Variants in SCRN1 observed in about 807,000 individuals in gnomAD.
SCRN1 encodes secernin 1.
A neutral mutation model predicts 43.3 loss-of-function variants in SCRN1; 19 were observed. That is an observed-to-expected ratio of 0.44 (90% confidence interval 0.31 to 0.64). The LOEUF (loss-of-function observed/expected upper bound fraction) is 0.64. Ranked by LOEUF, SCRN1 falls within the 30% of genes least tolerant of loss-of-function variation. The pLI, the probability that SCRN1 is intolerant of heterozygous loss-of-function variation, is 0.09. For synonymous variants in SCRN1, 183 were observed against 188.9 expected, an observed-to-expected ratio of 0.97 and a Z score of 0.26; for missense variants, 447 against 524.1, an observed-to-expected ratio of 0.85 and a Z score of 1.44.
intron 3 of SCRN1, among the ~76,000 whole-genome samples, chr7:29,944,707 T>C (rs1045552591): frequency 9.4e-5 from 14 of 148,764 alleles, no homozygotes; most frequent in African/African-American, 3.5e-4. Flanking sequence ...GAAAAAATCA[T>C]AGGGGTGTTT....
At chr7:29,925,408 C>G (rs1182075368) in intron 7 of SCRN1, among the ~76,000 whole-genome samples, 1 of 152,176 alleles carries the variant, frequency 6.6e-6, no homozygotes, top group African/African-American at 2.4e-5. Context: ...TCCACAGCAC[C>G]AATTTACACA....
chr7:29,925,069 G>A (rs1786896639), intron 7 of SCRN1, among the ~76,000 whole-genome samples: 1 of 151,938 alleles, frequency 6.6e-6, no homozygotes. Context: ...ATCTACTTGG[G>A]GCTTATGGTC....
intron 2 of SCRN1, among the ~76,000 whole-genome samples, chr7:29,957,847 A>C (rs137933643): frequency 6.6e-6 from 1 of 152,320 alleles, no homozygotes; most frequent in East Asian, 1.9e-4. Flanking sequence ...TATGGTCCAG[A>C]GAGGTCCCTG....
At chr7:29,928,301 T>C (rs1416163217) in intron 6 of SCRN1, among the ~76,000 whole-genome samples, 1 of 152,008 alleles carries the variant, frequency 6.6e-6, no homozygotes, top group Non-Finnish European at 1.5e-5. Flanking sequence ...TTTAACAAGA[T>C]CCCTGCGGAT....
chr7:29,934,502 T>C (rs1787257995), intron 6 of SCRN1, among the ~76,000 whole-genome samples: 1 of 152,056 alleles, frequency 6.6e-6, no homozygotes, highest in Non-Finnish European at 1.5e-5. Flanking sequence ...CACTTGAAAA[T>C]AGAACTCCAA....
chr7:29,940,661 G>A (rs765937757), intron 5 of SCRN1, 21 bp downstream of exon 5: 60 of 1,573,908 alleles, frequency 3.8e-5, no homozygotes, highest in Admixed American at 2.0e-4. Context: ...AAGGAGAATC[G>A]TGAGGGAGAG....
intron 1 of SCRN1, among the ~76,000 whole-genome samples, chr7:29,984,204 C>CAAAA (rs55733700): frequency 1.6e-4 from 16 of 98,222 alleles, no homozygotes; most frequent in South Asian, 7.2e-4. Flanking sequence ...AGACAGTCTC[C>CAAAA]AAAAAAAAAA....
At chr7:29,976,355 C>A (rs1788837703) in intron 1 of SCRN1, among the ~76,000 whole-genome samples, 1 of 152,160 alleles carries the variant, frequency 6.6e-6, no homozygotes, top group Non-Finnish European at 1.5e-5. Flanking sequence ...CACGAAAAAA[C>A]TTACATAAGG....
intron 1 of SCRN1, among the ~76,000 whole-genome samples, chr7:29,978,748 T>C (rs1163664631): frequency 6.6e-6 from 1 of 152,224 alleles, no homozygotes; most frequent in Non-Finnish European, 1.5e-5. Flanking sequence ...GGCCCTGCAA[T>C]AAGGCGGAGA....
intron 3 of SCRN1, among the ~76,000 whole-genome samples, chr7:29,945,017 T>C (rs1562808662): frequency 6.6e-6 from 1 of 152,198 alleles, no homozygotes; most frequent in Non-Finnish European, 1.5e-5. Context: ...AGAGAGGACG[T>C]TGTCCTGTCT....
intron 3 of SCRN1, among the ~76,000 whole-genome samples, chr7:29,954,698 T>C (rs537307000): frequency 6.6e-6 from 1 of 152,348 alleles, no homozygotes; most frequent in African/African-American, 2.4e-5. Flanking sequence ...TCATTTGTTT[T>C]TGATGGAGAC....
intron 5 of SCRN1, among the ~76,000 whole-genome samples, chr7:29,938,838 C>A (rs1232839972): frequency 6.6e-6 from 1 of 152,182 alleles, no homozygotes; most frequent in Non-Finnish European, 1.5e-5. Flanking sequence ...CCCCTGATTT[C>A]CCACTCCACA....
intron 2 of SCRN1, among the ~76,000 whole-genome samples, chr7:29,966,266 C>A (rs1788495775): frequency 6.6e-6 from 1 of 151,660 alleles, no homozygotes; most frequent in Admixed American, 6.6e-5. Flanking sequence ...CCATGCTCCA[C>A]CGGTCAGAGC....
intron 1 of SCRN1, among the ~76,000 whole-genome samples, chr7:29,977,871 T>C (rs935502482): frequency 6.6e-6 from 1 of 152,226 alleles, no homozygotes; most frequent in Non-Finnish European, 1.5e-5. Context: ...ACTTACAAAG[T>C]GCTCAGAATA....
At chr7:29,980,620 A>C (rs1245234942) in intron 1 of SCRN1, among the ~76,000 whole-genome samples, 1 of 152,238 alleles carries the variant, frequency 6.6e-6, no homozygotes, top group African/African-American at 2.4e-5. Context: ...CATTTTCTAC[A>C]GAAGAAATAA....
At chr7:29,972,164 T>C (rs1314731276) in intron 1 of SCRN1, among the ~76,000 whole-genome samples, 1 of 152,182 alleles carries the variant, frequency 6.6e-6, no homozygotes, top group Non-Finnish European at 1.5e-5. Context: ...GCTACTAGAA[T>C]CTGGGCATCG....
intron 2 of SCRN1, among the ~76,000 whole-genome samples, chr7:29,957,434 C>T (rs769717348): frequency 4.6e-5 from 7 of 152,214 alleles, no homozygotes; most frequent in Non-Finnish European, 1.0e-4. Flanking sequence ...TCCTCTTTGC[C>T]GTTCCATTCC....
Position 29,922,457 on chromosome 7 carries a change from CA to C in SCRN1, c.*1499del, listed in dbSNP as rs1204310785. The C allele has an allele frequency of 2.6e-5, 4 of 152,226 alleles. No homozygotes were observed. The highest frequency in any genetic ancestry group is 1.5e-5 in the Non-Finnish European group (1 of 68,046). The allele number at this position is 152,226 out of a possible 1,614,324, so 9.4% of individuals were successfully genotyped here. A position where few individuals can be genotyped will look rare whatever the true frequency, so the allele number is the denominator to read the frequency against. On this transcript the variant is annotated 3_prime_UTR_variant, in exon 8 of 8. Transcript: ENST00000242059. ...TCACTTCCCAGATTGCTGATACTCA[CA>C]ATGTTTCCATTTGCAGATTCCTGCC...
chr7:29,944,025 A>T lies in SCRN1; in HGVS notation c.496T>A (p.Trp166Arg). The T allele has an allele frequency of 6.2e-7, 1 of 1,614,214 alleles. No individual in the cohort carries two copies. Among genetic ancestry groups the T allele is most frequent in the Non-Finnish European group, 8.5e-7 (1 of 1,180,040 alleles). The change falls in exon 4 of 8, where the codon TGG becomes AGG. Residue 166 changes from tryptophan to arginine, a missense_variant. By Grantham distance (101) the Trp-to-Arg change is moderately radical. Transcript: ENST00000242059. ...AYLIVDRDEA[W>R]VLETIGKYWA... ...TACTTCCCTATGGTCTCGAGCACCC[A>T]GGCTTCATCACGATCCACAATCAGA... is the stretch of plus-strand genomic sequence containing the variant.
Sources: allele counts gnomAD v4.1 joint callset (sites outside exome capture counted in the v4.1 genomes callset), GRCh38; gene constraint gnomAD v4.1.1; transcripts MANE v1.5; gene names NCBI Gene and HGNC (gene_info 2026-07-23, HGNC 2026-07-21).